The following ZMAT5 variants were observed in gnomAD, a reference collection of about 807,000 sequenced individuals.
The protein encoded by ZMAT5 is zinc finger matrin-type protein 5.
In ZMAT5, 23 loss-of-function variants were observed where a neutral mutation model predicts 28.0. The observed-to-expected ratio is 0.82, with a 90% confidence interval of 0.59 to 1.16. The LOEUF (loss-of-function observed/expected upper bound fraction) is 1.16, where lower values mean the gene tolerates loss of function less well. Among genes scored for constraint, ZMAT5 ranks in the 50% most tolerant of loss-of-function variants. ZMAT5 has a pLI of 0.00. For synonymous variants in ZMAT5, 76 were observed against 84.1 expected (o/e 0.90, Z 0.52); for missense variants, 173 against 212.7 (o/e 0.81, Z 1.16).
rs111598439 is a variant in ZMAT5 at position 29,753,683 on chromosome 22, C to T, written c.-27-5112G>A. 1.7e-3 allele frequency among the ~76,000 whole-genome samples: 252 copies of T among 151,950 alleles called. 1 individual carries two copies. The highest frequency in any genetic ancestry group is 5.5e-3 in the African/African-American group (230 of 41,442). ...CAGCCTGGGTGACAGAGCAAGACTC[C>T]CTCTCAAAAAAAGCAAAAACAACAA... is the stretch of plus-strand genomic sequence containing the variant. On this transcript the variant is annotated intron_variant, in intron 1 of 5. Coordinates refer to ENST00000344318, the MANE Select transcript of ZMAT5 (RefSeq NM_001003692.2).
rs1478441609 is a variant in ZMAT5 at position 29,740,637 on chromosome 22, T to C, written c.271+13A>G. On this transcript the variant is annotated intron_variant, in intron 4 of 5. Coordinates refer to ENST00000344318, the MANE Select transcript of ZMAT5 (RefSeq NM_001003692.2). Reference sequence around the variant, plus strand: ...CCCCACTCCCGCTTAGCCCAGGGCATCCCGAGACGTACCCTCCACCTGGAT... The same window carrying C: ...CCCCACTCCCGCTTAGCCCAGGGCACCCCGAGACGTACCCTCCACCTGGAT... 2.5e-6 allele frequency: 4 copies of C among 1,589,182 alleles called. No individual in the cohort carries two copies. Among genetic ancestry groups the C allele is most frequent in the Non-Finnish European group, 3.4e-6 (4 of 1,167,852 alleles).
intron 5 of ZMAT5, among the ~76,000 whole-genome samples, chr22:29,737,786 A>C (rs1284052763): frequency 6.6e-6 from 1 of 151,718 alleles, no homozygotes; most frequent in East Asian, 1.9e-4. Context: ...CGAAGCACAC[A>C]CCCCAAGGAC....
chr22:29,735,268 G>A (rs1315953951), intron 5 of ZMAT5, among the ~76,000 whole-genome samples: 2 of 152,164 alleles, frequency 1.3e-5, no homozygotes, highest in African/African-American at 2.4e-5. Flanking sequence ...CCTTCCCACA[G>A]CCCCTTTTTC....
chr22:29,763,292 C>CAATAAATAAATA (rs201954354), intron 1 of ZMAT5, among the ~76,000 whole-genome samples: 11,346 of 140,500 alleles, frequency 0.081, 551 homozygotes, highest in African/African-American at 0.1. Context: ...GACTCTGCCT[C>CAATAAATAAATA]AATAAATAAA....
At chr22:29,762,964 T>A (rs940892722) in intron 1 of ZMAT5, among the ~76,000 whole-genome samples, 3 of 152,110 alleles carry the variant, frequency 2.0e-5, no homozygotes, top group Admixed American at 6.5e-5. Flanking sequence ...GGTGGGAGCA[T>A]CCCTTGTGGC....
Position 29,739,638 on chromosome 22 carries a change from C to T in ZMAT5, c.271+1012G>A, listed in dbSNP as rs1401331155. 3.3e-5 allele frequency among the ~76,000 whole-genome samples: 5 copies of T among 152,354 alleles called. No individual in the cohort carries two copies. In the South Asian group the frequency reaches 8.3e-4, roughly 25 times the overall value. Reference sequence around the variant, plus strand: ...CCCCATTCCTGTCCCCGCTCGGCATCGTCTCCAGTTCCAGGCCCACTGCCC... The same window carrying T: ...CCCCATTCCTGTCCCCGCTCGGCATTGTCTCCAGTTCCAGGCCCACTGCCC... On this transcript the variant is annotated intron_variant, in intron 4 of 5. Coordinates refer to ENST00000344318, the MANE Select transcript of ZMAT5 (RefSeq NM_001003692.2).
chr22:29,736,719 C>CAAAA (rs35069848), intron 5 of ZMAT5, among the ~76,000 whole-genome samples: 3 of 25,254 alleles, frequency 1.2e-4, no homozygotes, highest in Non-Finnish European at 2.1e-4. Context: ...GACTCCATCT[C>CAAAA]AAAAAAAAAA....
intron 1 of ZMAT5, among the ~76,000 whole-genome samples, chr22:29,763,223 G>T (rs926595439): frequency 6.6e-6 from 1 of 151,748 alleles, no homozygotes; most frequent in African/African-American, 2.4e-5. Flanking sequence ...AACCCAGGAG[G>T]CAGAGGTTGC....
At chr22:29,745,667 C>A (rs2068002679) in intron 2 of ZMAT5, among the ~76,000 whole-genome samples, 1 of 152,216 alleles carries the variant, frequency 6.6e-6, no homozygotes, top group Admixed American at 6.5e-5. Context: ...CTGTTTTATA[C>A]ATGACAAAAT....
At chr22:29,750,313 G>A (rs1479088608) in intron 1 of ZMAT5, among the ~76,000 whole-genome samples, 1 of 152,214 alleles carries the variant, frequency 6.6e-6, no homozygotes, top group Non-Finnish European at 1.5e-5. Context: ...TCCACAGCCA[G>A]TTCAAGGCTT....
rs570332312 is a variant in ZMAT5 at position 29,745,365 on chromosome 22, C to T, written c.128-2885G>A. 2.2e-4 allele frequency among the ~76,000 whole-genome samples: 34 copies of T among 152,108 alleles called. 3 individuals carry two copies. The highest frequency in any genetic ancestry group is 1.3e-3 in the Admixed American group (20 of 15,266). ...GTGGCTGCAGCTGGAAGGGAGAGGC[C>T]GGCAGGTCATGGAGGCCTGGGCAGG... is the stretch of plus-strand genomic sequence containing the variant. On this transcript the variant is annotated intron_variant, in intron 2 of 5. Transcript: ENST00000344318.
At chr22:29,754,545 G>T (rs2068082059) in intron 1 of ZMAT5, among the ~76,000 whole-genome samples, 1 of 152,196 alleles carries the variant, frequency 6.6e-6, no homozygotes, top group African/African-American at 2.4e-5. Flanking sequence ...GGATCCCACA[G>T]CTGCTGAGGT....
At chr22:29,735,882 G>T (rs541511278) in intron 5 of ZMAT5, among the ~76,000 whole-genome samples, 14 of 152,298 alleles carry the variant, frequency 9.2e-5, no homozygotes, top group Admixed American at 3.9e-4. Flanking sequence ...GGATGCATCT[G>T]TCTGGAACCC....
chr22:29,763,246 T>C (rs928824708), intron 1 of ZMAT5, among the ~76,000 whole-genome samples: 10 of 150,244 alleles, frequency 6.7e-5, no homozygotes, highest in Non-Finnish European at 1.5e-4. Flanking sequence ...TGAGCTGAGA[T>C]TGCACCACTG....
intron 1 of ZMAT5, among the ~76,000 whole-genome samples, chr22:29,755,364 A>AGGGAGGGAGGGAGG (rs1261809736): frequency 2.5e-4 from 3 of 12,130 alleles, no homozygotes; most frequent in Non-Finnish European, 3.1e-4. Context: ...GGAGGGAGGG[A>AGGGAGGGAGGGAGG]GGGGGAGAGA....
intron 5 of ZMAT5, among the ~76,000 whole-genome samples, chr22:29,737,377 T>C (rs1458845798): frequency 6.6e-6 from 1 of 152,216 alleles, no homozygotes; most frequent in Non-Finnish European, 1.5e-5. Flanking sequence ...TCTCTTTCAC[T>C]GGAGCACAGA....
At chr22:29,755,437 CAA>C (rs892170965) in intron 1 of ZMAT5, among the ~76,000 whole-genome samples, 9 of 148,074 alleles carry the variant, frequency 6.1e-5, no homozygotes, top group South Asian at 2.2e-4. Flanking sequence ...AGAAAGGAAA[CAA>C]AGAGAAAGAA....
At chr22:29,744,911 T>C (rs78998444) in intron 2 of ZMAT5, among the ~76,000 whole-genome samples, 9,199 of 152,264 alleles carry the variant, frequency 0.06, 324 homozygotes, top group Middle Eastern at 0.1. Context: ...TTGCAGTGGG[T>C]ATTCAAGGCC....
chr22:29,755,368 G>GGGAGGGAGGGAGGGAGGGAGA (rs1569340083), intron 1 of ZMAT5, among the ~76,000 whole-genome samples: 3 of 59,300 alleles, frequency 5.1e-5, no homozygotes, highest in African/African-American at 2.8e-4. Flanking sequence ...GGAGGGAGGG[G>GGGAGGGAGGGAGGGAGGGAGA]GAGAGAGAGA....
Sources: gnomAD v4.1 joint callset for allele counts (sites outside exome capture counted in the v4.1 genomes callset) on GRCh38, gnomAD v4.1.1 for gene constraint, MANE v1.5 for transcripts, NCBI Gene and HGNC (gene_info 2026-07-23, HGNC 2026-07-21) for gene names.